CNTN5: variants seen among roughly 807,000 people sequenced by gnomAD.
CNTN5 encodes contactin-5.
In CNTN5, 77 loss-of-function variants were observed where a neutral mutation model predicts 129.1. The observed-to-expected ratio is 0.60, with a 90% CI of 0.50 to 0.72. CNTN5 has a LOEUF of 0.72. Among genes scored for constraint, CNTN5 ranks in the 30% least tolerant of loss-of-function variants. The pLI is 0.00. For synonymous variants in CNTN5, 509 were observed against 465.6 expected, an observed-to-expected ratio of 1.09 and a Z score of -1.20; for missense variants, 1,478 against 1,328.8, an observed-to-expected ratio of 1.11 and a Z score of -1.75.
At chr11:99,855,498 A>G (rs780272451) in intron 6 of CNTN5, among the ~76,000 whole-genome samples, 4 of 152,120 alleles carry the variant, frequency 2.6e-5, no homozygotes, top group African/African-American at 9.7e-5. Context: ...ATGAATATTG[A>G]TTTTGGCCAT....
intron 23 of CNTN5, among the ~76,000 whole-genome samples, chr11:100,345,094 G>A (rs1047699687): frequency 1.5e-4 from 23 of 152,146 alleles, no homozygotes; most frequent in African/African-American, 2.4e-4. Context: ...GTCCTTTTGC[G>A]CTGTTATAAC....
At chr11:99,700,752 C>G (rs1954482271) in intron 3 of CNTN5, among the ~76,000 whole-genome samples, 2 of 151,348 alleles carry the variant, frequency 1.3e-5, no homozygotes. Flanking sequence ...CTGGTCCTAT[C>G]TACACAAGGA....
chr11:100,084,844 T>C (rs1308955541), intron 13 of CNTN5, among the ~76,000 whole-genome samples: 1 of 152,130 alleles, frequency 6.6e-6, no homozygotes, highest in Non-Finnish European at 1.5e-5. Flanking sequence ...TACTTCTCCT[T>C]TTCCTTAATG....
intron 3 of CNTN5, among the ~76,000 whole-genome samples, chr11:99,806,662 T>TC (rs957054329): frequency 5.3e-5 from 8 of 151,448 alleles, no homozygotes; most frequent in Non-Finnish European, 1.2e-4. Flanking sequence ...CGAAAATTAG[T>TC]CAGGTGTGGT....
chr11:99,618,572 C>A (rs1026570276), intron 3 of CNTN5, among the ~76,000 whole-genome samples: 8 of 152,164 alleles, frequency 5.3e-5, no homozygotes, highest in South Asian at 2.1e-4. Context: ...CACAAAGTTT[C>A]ACTCAATAGA....
At chr11:99,407,144 A>G (rs1309122878) in intron 2 of CNTN5, among the ~76,000 whole-genome samples, 1 of 151,916 alleles carries the variant, frequency 6.6e-6, no homozygotes. Context: ...TAGCCACCAC[A>G]TCTGGGAATG....
intron 2 of CNTN5, among the ~76,000 whole-genome samples, chr11:99,553,979 C>CACACACGCACACAT (rs1948582241): frequency 6.9e-6 from 1 of 145,556 alleles, no homozygotes; most frequent in Admixed American, 6.9e-5. Flanking sequence ...CACACACACA[C>CACACACGCACACAT]ACACACACAC....
chr11:99,055,102 G>A (rs753617673), intron 1 of CNTN5, among the ~76,000 whole-genome samples: 7 of 151,826 alleles, frequency 4.6e-5, no homozygotes, highest in Admixed American at 1.3e-4. Flanking sequence ...TTCCATTTAC[G>A]TGATGCTAAT....
intron 3 of CNTN5, among the ~76,000 whole-genome samples, chr11:99,699,573 A>T (rs1243433670): frequency 2.0e-5 from 3 of 151,512 alleles, no homozygotes. Flanking sequence ...ATCACTACAA[A>T]GGCTAGGGAT....
At chr11:99,289,666 A>T (rs1864085523) in intron 1 of CNTN5, among the ~76,000 whole-genome samples, 1 of 151,816 alleles carries the variant, frequency 6.6e-6, no homozygotes, top group African/African-American at 2.4e-5. Flanking sequence ...GCAGCTTTTA[A>T]TCTTTCAGAC....
intron 3 of CNTN5, among the ~76,000 whole-genome samples, chr11:99,797,591 T>G (rs979852542): frequency 6.6e-6 from 1 of 152,182 alleles, no homozygotes; most frequent in East Asian, 1.9e-4. Flanking sequence ...GAGAAGTGTC[T>G]GTTCATGTCC....
chr11:100,285,880 C>T (rs1261277907), intron 18 of CNTN5, among the ~76,000 whole-genome samples: 9 of 152,230 alleles, frequency 5.9e-5, no homozygotes, highest in South Asian at 2.1e-4. Flanking sequence ...AGACAGTGGG[C>T]GCAGGTCAGT....
At chr11:99,171,800 A>T (rs558693419) in intron 1 of CNTN5, among the ~76,000 whole-genome samples, 47 of 152,308 alleles carry the variant, frequency 3.1e-4, no homozygotes, top group African/African-American at 1.1e-3. Flanking sequence ...TCATTAAAGT[A>T]TTAATAATCA....
intron 7 of CNTN5, among the ~76,000 whole-genome samples, chr11:99,950,244 C>T (rs1211200616): frequency 1.3e-5 from 2 of 152,114 alleles, no homozygotes; most frequent in Non-Finnish European, 2.9e-5. Flanking sequence ...TTTGGAAGGC[C>T]GAGGCGGGTG....
At chr11:100,108,372 T>C (rs1218673401) in intron 13 of CNTN5, among the ~76,000 whole-genome samples, 1 of 152,086 alleles carries the variant, frequency 6.6e-6, no homozygotes, top group Non-Finnish European at 1.5e-5. Flanking sequence ...AGGAAGCAGA[T>C]GCAATCATTG....
chr11:99,710,235 G>A (rs1345335655), intron 3 of CNTN5, among the ~76,000 whole-genome samples: 1 of 151,688 alleles, frequency 6.6e-6, no homozygotes, highest in Non-Finnish European at 1.5e-5. Context: ...TCACTGCCCA[G>A]CATCTTTACC....
chr11:99,922,993 G>A (rs951328696), intron 7 of CNTN5, among the ~76,000 whole-genome samples: 3 of 152,158 alleles, frequency 2.0e-5, no homozygotes, highest in African/African-American at 7.2e-5. Flanking sequence ...AATTGTAGCA[G>A]CTACTATGAT....
intron 3 of CNTN5, among the ~76,000 whole-genome samples, chr11:99,818,928 G>C (rs1327000126): frequency 1.3e-5 from 2 of 151,924 alleles, no homozygotes; most frequent in Non-Finnish European, 2.9e-5. Flanking sequence ...TTATGTACCA[G>C]AGTGAATTTG....
At chr11:100,300,477 C>G (rs1392291013) in intron 20 of CNTN5, among the ~76,000 whole-genome samples, 1 of 151,508 alleles carries the variant, frequency 6.6e-6, no homozygotes, top group Non-Finnish European at 1.5e-5. Context: ...TAAATATAAA[C>G]TAACCCTTAT....
Sources: allele counts gnomAD v4.1 joint callset (sites outside exome capture counted in the v4.1 genomes callset), GRCh38; gene constraint gnomAD v4.1.1; transcripts MANE v1.5; gene names NCBI Gene and HGNC (gene_info 2026-07-23, HGNC 2026-07-21).